The following SIN3B variants were observed in gnomAD, a reference collection of about 807,000 sequenced individuals.
SIN3B encodes SIN3 transcription regulator family member B.
A neutral mutation model predicts 120.2 loss-of-function variants in SIN3B; 19 were observed. That is an observed-to-expected ratio of 0.16 (90% CI 0.11 to 0.23). The LOEUF is 0.23. Ranked by LOEUF, SIN3B falls within the 10% of genes least tolerant of loss-of-function variation. SIN3B has a pLI of 1.00. For missense variants in SIN3B, 1,073 were observed against 1,573.0 expected, an observed-to-expected ratio of 0.68 and a Z score of 5.38; for synonymous variants, 654 against 653.2, an observed-to-expected ratio of 1.00 and a Z score of -0.02.
In SIN3B at chr19:16,865,313, C is replaced by CG. The variant is rs906371015; in HGVS notation, c.1384-97_1384-96insG. On this transcript the variant is annotated intron_variant, in intron 10 of 18. Transcript: ENST00000248054. ...TATCTCTTAAATACACACACCCCCC[C>CG]CCCAAAAAAATCCTCTGGTCTCTGA... 2.0e-5 allele frequency: 11 copies of CG among 556,694 alleles called. 1 individual carries two copies. The highest frequency in any genetic ancestry group is 3.5e-5 in the South Asian group (2 of 56,904). The allele number at this position is 556,694 out of a possible 1,614,324, so 34.5% of individuals were successfully genotyped here. A position where few individuals can be genotyped will look rare whatever the true frequency, so the allele number is the denominator to read the frequency against.
Position 16,862,574 on chromosome 19 carries a change from G to A in SIN3B, c.1266+15G>A. ...TCTGCAAGGAGGTAGCGCTCCCTGG[G>A]GCTCAAATGTTCGTTGACATGGTGC... is the stretch of plus-strand genomic sequence containing the variant. On this transcript the variant is annotated intron_variant, in intron 9 of 18. Transcript: ENST00000248054. This position sits in a 1 kb window ranked among gnomAD's most constrained non-coding sequence, Gnocchi z 4.7. 1.2e-6 allele frequency: 2 copies of A among 1,607,442 alleles called. No homozygotes were observed. The highest frequency in any genetic ancestry group is 1.7e-6 in the Non-Finnish European group (2 of 1,177,464).
chr19:16,837,498 T>C (rs1599589304), intron 3 of SIN3B, among the ~76,000 whole-genome samples: 1 of 145,826 alleles, frequency 6.9e-6, no homozygotes, highest in Middle Eastern at 3.7e-3. Flanking sequence ...GCCTCCCGAG[T>C]GATGGGGACA....
chr19:16,857,553 G>A (rs8107687), intron 8 of SIN3B, among the ~76,000 whole-genome samples: 3,327 of 139,420 alleles, frequency 0.024, 91 homozygotes, highest in African/African-American at 0.062. Context: ...GTGTGTGTGT[G>A]TATATATACA....
At chr19:16,856,014 G>T (rs555628912) in intron 8 of SIN3B, among the ~76,000 whole-genome samples, 2 of 152,170 alleles carry the variant, frequency 1.3e-5, no homozygotes, top group Non-Finnish European at 2.9e-5. Context: ...CTGTGATCAC[G>T]CCACTGTCCT....
At chr19:16,863,853 G>C in intron 10 of SIN3B, 57 bp downstream of exon 10, 1 of 1,241,444 alleles carries the variant, frequency 8.1e-7, no homozygotes, top group Non-Finnish European at 1.2e-6. Flanking sequence ...CTTCTCCATG[G>C]GACATGCATC....
At chr19:16,871,547 T>A (rs2051511779) in intron 14 of SIN3B, 149 bp downstream of exon 14, 1 of 701,734 alleles carries the variant, frequency 1.4e-6, no homozygotes, top group African/African-American at 1.8e-5. Flanking sequence ...TAACGTAAAA[T>A]TAACCATTTT....
chr19:16,837,567 G>C (rs1416712397), intron 3 of SIN3B, among the ~76,000 whole-genome samples: 2 of 151,998 alleles, frequency 1.3e-5, no homozygotes, highest in Non-Finnish European at 2.9e-5. Flanking sequence ...CAGTCCCCAA[G>C]TGATGGGGAC....
At chr19:16,860,596 CTTTTTT>C (rs34628511) in intron 8 of SIN3B, among the ~76,000 whole-genome samples, 2 of 131,814 alleles carry the variant, frequency 1.5e-5, no homozygotes, top group Admixed American at 7.6e-5. Context: ...GTAACTGCAA[CTTTTTT>C]TTTTTTTTTT....
At chr19:16,852,890 G>C (rs2144596749) in intron 6 of SIN3B, among the ~76,000 whole-genome samples, 179 bp from the exon 7 acceptor site, 1 of 152,290 alleles carries the variant, frequency 6.6e-6, no homozygotes, top group Non-Finnish European at 1.5e-5. Flanking sequence ...GGTATCCCCA[G>C]AGGTGTCATC....
rs758354180 is a variant in SIN3B at position 16,866,502 on chromosome 19, C to G, written c.1752C>G (p.Thr584=). The stretch of plus-strand genomic sequence containing the variant: ...CTGTGAACTTCAAGCAGAACGACAC[C>G]AAGGCCCTGCGCTCCAAGAGCTTGC... ...HQAVNFKQND[T]KALRSKSLLN... is the part of the protein sequence containing the mutation. Residue 584 remains threonine, a synonymous_variant, in exon 12 of 19, where the codon ACC becomes ACG. Transcript: ENST00000248054. The G allele has an allele frequency of 6.2e-7, 1 of 1,614,014 alleles. No individual in the cohort carries two copies. Among genetic ancestry groups the G allele is most frequent in the Non-Finnish European group, 8.5e-7 (1 of 1,180,010 alleles).
chr19:16,851,299 G>A (rs1312903500), intron 5 of SIN3B, 113 bp from the exon 6 acceptor site: 23 of 1,294,146 alleles, frequency 1.8e-5, no homozygotes, highest in Non-Finnish European at 2.1e-5. Context: ...CCTGGTGCCC[G>A]TGGCCACCAT....
chr19:16,852,506 CA>C, intron 6 of SIN3B, among the ~76,000 whole-genome samples: 1 of 152,226 alleles, frequency 6.6e-6, no homozygotes, highest in Non-Finnish European at 1.5e-5. Context: ...CTCAGCCTCC[CA>C]AAGTGTTGGG....
chr19:16,834,270 G>A (rs552783841), intron 3 of SIN3B, among the ~76,000 whole-genome samples: 4 of 152,310 alleles, frequency 2.6e-5, no homozygotes, highest in African/African-American at 9.6e-5. Flanking sequence ...TCTGGGTCTC[G>A]TTCCTGTCAC....
chr19:16,863,515 T>G, intron 9 of SIN3B, 165 bp from the exon 10 acceptor site: 1 of 621,996 alleles, frequency 1.6e-6, no homozygotes, highest in Admixed American at 2.6e-5. Flanking sequence ...TTGACCAAAG[T>G]CATGTTTTTC....
At chr19:16,848,345 C>G (rs939948417) in intron 5 of SIN3B, among the ~76,000 whole-genome samples, 1 of 151,454 alleles carries the variant, frequency 6.6e-6, no homozygotes, top group African/African-American at 2.4e-5. Context: ...TCTACAGTGA[C>G]CGCACCATTT....
intron 18 of SIN3B, 35 bp downstream of exon 18, chr19:16,878,425 C>T (rs765428986): frequency 1.9e-6 from 3 of 1,593,862 alleles, no homozygotes; most frequent in Non-Finnish European, 2.6e-6. Context: ...CCGACATGCC[C>T]CTCCTCACCC....
intron 5 of SIN3B, among the ~76,000 whole-genome samples, chr19:16,847,487 A>G (rs567117529): frequency 2.6e-5 from 4 of 152,308 alleles, no homozygotes; most frequent in African/African-American, 7.2e-5. Context: ...TGGGTCCACA[A>G]TCATCGCTTC....
In SIN3B at chr19:16,863,680, G is replaced by A; in HGVS notation, c.1267G>A (p.Val423Ile). The change falls in exon 10 of 19, where the codon GTA (valine) becomes ATA (isoleucine). Residue 423 changes from valine (V) to isoleucine (I), a missense_variant and splice_region_variant. This residue lies in a region of SIN3B where 118 missense variants were observed against 281.6 expected (regional missense o/e 0.42). Transcript: ENST00000248054. ...TTCACGGCATTTCCTCTTGGTGCAGGTACTGAACGACACCTGGGTCTCCTT... is the reference window on the plus strand; with the variant it reads ...TTCACGGCATTTCCTCTTGGTGCAGATACTGAACGACACCTGGGTCTCCTT... Reference protein sequence around the residue: ...CSGRTAICKEVLNDTWVSFPS... With the variant: ...CSGRTAICKEILNDTWVSFPS... 6.2e-7 allele frequency: 1 copy of A among 1,604,874 alleles called. No homozygotes were observed. The highest frequency in any genetic ancestry group is 8.5e-7 in the Non-Finnish European group (1 of 1,171,580).
At chr19:16,848,675 A>AT (rs35720472) in intron 5 of SIN3B, among the ~76,000 whole-genome samples, 1 of 151,760 alleles carries the variant, frequency 6.6e-6, no homozygotes, top group Non-Finnish European at 1.5e-5. Context: ...CAATTTTTGT[A>AT]TTTTTTGTAG....
Sources: gnomAD v4.1 joint callset for allele counts (sites outside exome capture counted in the v4.1 genomes callset) on GRCh38, gnomAD v4.1.1 for gene constraint, gnomAD v4.1.1 regional missense constraint, Gnocchi (gnomAD v3.1) non-coding constraint, MANE v1.5 for transcripts, NCBI Gene and HGNC (gene_info 2026-07-23, HGNC 2026-07-21) for gene names.